MROH9: variants seen among roughly 807,000 people sequenced by gnomAD.
MROH9 encodes maestro heat like repeat family member 9, also known as maestro heat-like repeat-containing protein family member 9.
MROH9 carries 92 observed loss-of-function variants against 98.2 expected under a neutral mutation model. That is an observed-to-expected ratio of 0.94 (90% CI 0.79 to 1.11). The LOEUF is 1.11. MROH9 is among the 50% of genes most tolerant of loss of function. The pLI is 0.00. For missense variants in MROH9, 1,057 were observed against 1,014.8 expected, an observed-to-expected ratio of 1.04 and a Z score of -0.57; for synonymous variants, 397 against 368.9, an observed-to-expected ratio of 1.08 and a Z score of -0.87.
At chr1:170,962,175 G>A (rs1650039328) in intron 6 of MROH9, among the ~76,000 whole-genome samples, 199 bp downstream of exon 6, 6 of 152,168 alleles carry the variant, frequency 3.9e-5, no homozygotes. Context: ...ATTTAATTTG[G>A]GAAGGACAGC....
chr1:170,966,945 C>T (rs1285210201), intron 7 of MROH9, among the ~76,000 whole-genome samples: 1 of 152,146 alleles, frequency 6.6e-6, no homozygotes, highest in Non-Finnish European at 1.5e-5. Context: ...AATTGTTTGA[C>T]TAGAGCCTAG....
At chr1:171,058,963 G>A (rs1653934781) in intron 20 of MROH9, among the ~76,000 whole-genome samples, 1 of 152,154 alleles carries the variant, frequency 6.6e-6, no homozygotes, top group Non-Finnish European at 1.5e-5. Flanking sequence ...AATGCCAAAA[G>A]CAATCACAAC....
intron 17 of MROH9, among the ~76,000 whole-genome samples, chr1:171,021,528 A>C (rs1456766786): frequency 6.6e-6 from 1 of 152,200 alleles, no homozygotes; most frequent in Non-Finnish European, 1.5e-5. Flanking sequence ...CCTATTTAAT[A>C]AATGGTCTGG....
intron 8 of MROH9, among the ~76,000 whole-genome samples, chr1:170,972,407 G>T (rs976050541): frequency 6.6e-6 from 1 of 152,168 alleles, no homozygotes; most frequent in African/African-American, 2.4e-5. Context: ...ATATTTGTAA[G>T]GGGTGGAGCC....
chr1:171,015,683 C>G (rs909482555), intron 16 of MROH9, among the ~76,000 whole-genome samples: 5 of 152,000 alleles, frequency 3.3e-5, no homozygotes, highest in Non-Finnish European at 7.4e-5. Flanking sequence ...ATTTAGAGGT[C>G]ATTCTGCTAG....
At chr1:171,014,311 G>T in intron 16 of MROH9, 57 bp downstream of exon 16, 1 of 1,480,066 alleles carries the variant, frequency 6.8e-7, no homozygotes, top group South Asian at 1.3e-5. Context: ...CTGAGATTTT[G>T]ATGTCACTTA....
chr1:171,011,706 A>C (rs893909849), intron 15 of MROH9, among the ~76,000 whole-genome samples: 2 of 152,194 alleles, frequency 1.3e-5, no homozygotes, highest in African/African-American at 4.8e-5. Flanking sequence ...AAGATCCTGC[A>C]CTCATCCTTG....
intron 20 of MROH9, among the ~76,000 whole-genome samples, chr1:171,044,906 A>G (rs959515277): frequency 1.4e-5 from 2 of 146,264 alleles, no homozygotes; most frequent in Non-Finnish European, 3.0e-5. Context: ...AAAAAAGCCA[A>G]CTTTTTGTTT....
intron 20 of MROH9, among the ~76,000 whole-genome samples, chr1:171,039,928 A>T (rs956297081): frequency 6.6e-6 from 1 of 152,162 alleles, no homozygotes; most frequent in Non-Finnish European, 1.5e-5. Context: ...GAAAATGATC[A>T]TGTGATTTTT....
At chr1:170,965,276 A>C in intron 7 of MROH9, 21 bp downstream of exon 7, 1 of 1,468,834 alleles carries the variant, frequency 6.8e-7, no homozygotes, top group Non-Finnish European at 9.5e-7. Flanking sequence ...GAATATAACA[A>C]TGCCACCTGA....
At chr1:171,043,340 C>G (rs1407471527) in intron 20 of MROH9, among the ~76,000 whole-genome samples, 2 of 152,038 alleles carry the variant, frequency 1.3e-5, no homozygotes, top group Non-Finnish European at 2.9e-5. Context: ...GTCTGTGTGT[C>G]TGTTTTTATG....
At chr1:171,007,814 T>C (rs772974659) in intron 15 of MROH9, among the ~76,000 whole-genome samples, 4 of 152,178 alleles carry the variant, frequency 2.6e-5, no homozygotes, top group Admixed American at 6.5e-5. Flanking sequence ...TGGTGGATGA[T>C]TTTGGTGGCA....
At chr1:170,988,889 T>C (rs1362654980) in intron 10 of MROH9, among the ~76,000 whole-genome samples, 1 of 152,142 alleles carries the variant, frequency 6.6e-6, no homozygotes, top group African/African-American at 2.4e-5. Context: ...TATTTGCATT[T>C]AAAATAGGAA....
intron 15 of MROH9, among the ~76,000 whole-genome samples, chr1:171,004,774 T>C (rs1341986169): frequency 1.3e-5 from 2 of 151,950 alleles, no homozygotes; most frequent in Non-Finnish European, 2.9e-5. Flanking sequence ...TCTGCCATGA[T>C]CCCTCCTTGT....
intron 20 of MROH9, among the ~76,000 whole-genome samples, chr1:171,052,822 G>A (rs1382928884): frequency 2.6e-5 from 4 of 152,186 alleles, no homozygotes; most frequent in Admixed American, 2.6e-4. Flanking sequence ...TAATGCAGGT[G>A]AGTAGGTGCA....
intron 15 of MROH9, among the ~76,000 whole-genome samples, chr1:171,011,027 T>C (rs1016219196): frequency 6.6e-6 from 1 of 152,204 alleles, no homozygotes; most frequent in African/African-American, 2.4e-5. Context: ...CATGCCTACA[T>C]CCTGAATGGT....
intron 8 of MROH9, among the ~76,000 whole-genome samples, chr1:170,982,415 G>A (rs534083192): frequency 6.6e-6 from 1 of 152,284 alleles, no homozygotes; most frequent in Admixed American, 6.5e-5. Flanking sequence ...GAGAGCAGAT[G>A]ACAAGAAGTG....
chr1:171,021,674 G>A (rs893161564), intron 17 of MROH9, among the ~76,000 whole-genome samples: 4 of 151,918 alleles, frequency 2.6e-5, no homozygotes, highest in Non-Finnish European at 4.4e-5. Flanking sequence ...AGGCAATAGC[G>A]TTCAGGACAT....
chr1:170,983,581 A>T, intron 9 of MROH9, 47 bp downstream of exon 9: 1 of 1,089,060 alleles, frequency 9.2e-7, no homozygotes, highest in African/African-American at 1.6e-5. Context: ...TATGTGTATG[A>T]TTACTCTTAG....
Sources: gnomAD v4.1 joint callset for allele counts (sites outside exome capture counted in the v4.1 genomes callset) on GRCh38, gnomAD v4.1.1 for gene constraint, MANE v1.5 for transcripts, NCBI Gene and HGNC (gene_info 2026-07-23, HGNC 2026-07-21) for gene names.